Variants in PAFAH2 observed in about 807,000 individuals in gnomAD.
PAFAH2 encodes the protein platelet activating factor acetylhydrolase 2, also known as platelet-activating factor acetylhydrolase 2, cytoplasmic.
In PAFAH2, 42 loss-of-function variants were observed where a neutral mutation model predicts 49.0. The observed-to-expected ratio is 0.86, with a 90% confidence interval of 0.67 to 1.11. The LOEUF is 1.11. Among genes scored for constraint, PAFAH2 ranks in the 50% least tolerant of loss-of-function variants. The pLI, the probability that PAFAH2 is intolerant of heterozygous loss-of-function variation, is 0.00. For synonymous variants in PAFAH2, 184 were observed against 181.3 expected (o/e 1.01, Z -0.12); for missense variants, 503 against 501.8 (o/e 1.00, Z -0.02).
intron 10 of PAFAH2, among the ~76,000 whole-genome samples, chr1:25,971,442 AG>A (rs146859710): frequency 0.027 from 4,186 of 152,280 alleles, 185 homozygotes; most frequent in African/African-American, 0.09. Flanking sequence ...ACACACTCTG[AG>A]TGGTTCAAGC....
intron 9 of PAFAH2, among the ~76,000 whole-genome samples, chr1:25,972,946 T>C (rs531175390): frequency 1.3e-5 from 2 of 152,316 alleles, no homozygotes; most frequent in African/African-American, 2.4e-5. Flanking sequence ...CCAGATGTGC[T>C]TGGCTTCAAA....
intron 7 of PAFAH2, among the ~76,000 whole-genome samples, chr1:25,979,709 C>T (rs879699578): frequency 6.6e-6 from 1 of 152,128 alleles, no homozygotes; most frequent in Non-Finnish European, 1.5e-5. Context: ...AGGCTGGTCT[C>T]GAACTCCTGA....
intron 1 of PAFAH2, among the ~76,000 whole-genome samples, chr1:25,996,406 G>A (rs1185612456): frequency 1.3e-5 from 2 of 151,952 alleles, no homozygotes; most frequent in African/African-American, 2.4e-5. Context: ...GTGGGAGGCC[G>A]AGGCGGGCGG....
chr1:25,982,663 T>C (rs1167848821), intron 6 of PAFAH2, among the ~76,000 whole-genome samples, 186 bp from the exon 7 acceptor site: 1 of 152,156 alleles, frequency 6.6e-6, no homozygotes, highest in Non-Finnish European at 1.5e-5. Flanking sequence ...CTGCCTAACA[T>C]TAGAACAGAC....
chr1:25,994,753 G>A (rs1212613057), intron 1 of PAFAH2, among the ~76,000 whole-genome samples: 1 of 152,118 alleles, frequency 6.6e-6, no homozygotes, highest in Non-Finnish European at 1.5e-5. Context: ...ACTCTGCATA[G>A]AGAACAGCAC....
intron 9 of PAFAH2, among the ~76,000 whole-genome samples, chr1:25,974,267 T>G (rs1557517531): frequency 6.6e-6 from 1 of 152,084 alleles, no homozygotes. Flanking sequence ...TGTCATAAAG[T>G]CAGATAAACT....
At chr1:25,970,002 T>A (rs1031360140) in intron 10 of PAFAH2, among the ~76,000 whole-genome samples, 5 of 152,174 alleles carry the variant, frequency 3.3e-5, no homozygotes, top group Non-Finnish European at 7.3e-5. Flanking sequence ...GCTCACGATG[T>A]GTAAGATGAA....
intron 7 of PAFAH2, among the ~76,000 whole-genome samples, chr1:25,978,685 C>A (rs2049633508): frequency 6.6e-6 from 1 of 152,152 alleles, no homozygotes; most frequent in Non-Finnish European, 1.5e-5. Context: ...TGGCTTAATG[C>A]AAACAACAAA....
At chr1:25,968,953 G>A (rs2049468024) in intron 10 of PAFAH2, among the ~76,000 whole-genome samples, 1 of 152,086 alleles carries the variant, frequency 6.6e-6, no homozygotes, top group South Asian at 2.1e-4. Flanking sequence ...CTACCTAAGA[G>A]CTCCCTGCCT....
At chr1:25,966,873 T>C (rs1320882375) in intron 10 of PAFAH2, among the ~76,000 whole-genome samples, 1 of 151,540 alleles carries the variant, frequency 6.6e-6, no homozygotes, top group Non-Finnish European at 1.5e-5. Context: ...CTACTAAAAA[T>C]ACAAAAAAAT....
chr1:25,990,856 C>A lies in PAFAH2; in HGVS notation c.-40G>T. The A allele has an allele frequency of 6.5e-7, 1 of 1,549,940 alleles. No homozygotes were observed. The highest frequency in any genetic ancestry group is 1.1e-5 in the South Asian group (1 of 89,480). On this transcript the variant is annotated 5_prime_UTR_variant, in exon 2 of 11. Coordinates refer to ENST00000374282, the MANE Select transcript of PAFAH2 (RefSeq NM_000437.4). ...AATCAAATGACTTGCCGGAGCTGAA[C>A]TTGCTGGCTGGATGGGGGAACACAG... is the stretch of plus-strand genomic sequence containing the variant.
chr1:25,971,569 G>A (rs945931939), intron 10 of PAFAH2, among the ~76,000 whole-genome samples: 4 of 152,120 alleles, frequency 2.6e-5, no homozygotes, highest in African/African-American at 9.7e-5. Flanking sequence ...TGTCGTGAGA[G>A]GAAGACACAG....
chr1:25,963,351 C>T (rs1336805704), intron 10 of PAFAH2, among the ~76,000 whole-genome samples: 2 of 152,066 alleles, frequency 1.3e-5, no homozygotes, highest in Non-Finnish European at 2.9e-5. Context: ...CAGAGCTCAT[C>T]ATCTAGTGGC....
intron 10 of PAFAH2, among the ~76,000 whole-genome samples, chr1:25,971,999 C>A (rs1572344946): frequency 1.3e-5 from 2 of 152,100 alleles, no homozygotes; most frequent in East Asian, 3.9e-4. Flanking sequence ...GGGAGGAAAC[C>A]AAGGTTCAGA....
intron 10 of PAFAH2, among the ~76,000 whole-genome samples, chr1:25,967,863 T>C (rs1037835015): frequency 1.3e-5 from 2 of 151,992 alleles, no homozygotes; most frequent in African/African-American, 4.8e-5. Context: ...AGGGAAAAAT[T>C]GATGATCTAA....
chr1:25,989,434 A>C lies in PAFAH2; in HGVS notation c.244+14T>G. On this transcript the variant is annotated intron_variant, in intron 3 of 10. Transcript: ENST00000374282. Reference sequence around the variant, plus strand: ...GCAACTGGGAAAGCATGCAGAGGTCAGGCCAGCCCTTACCCACCGCCAGGT... The same window carrying C: ...GCAACTGGGAAAGCATGCAGAGGTCCGGCCAGCCCTTACCCACCGCCAGGT... The C allele has an allele frequency of 6.4e-7, 1 of 1,571,930 alleles. No homozygotes were observed. Among genetic ancestry groups the C allele is most frequent in the East Asian group, 2.3e-5 (1 of 43,704 alleles).
chr1:25,991,001 C>G, intron 1 of PAFAH2, 138 bp from the exon 2 acceptor site: 1 of 558,014 alleles, frequency 1.8e-6, no homozygotes, highest in Non-Finnish European at 3.2e-6. Flanking sequence ...AATCTTGCAC[C>G]TACTACTTTG....
rs200506023 is a variant in PAFAH2, at chr1:25,988,333, A to G, written c.245-6T>C. On this transcript the variant is annotated splice_polypyrimidine_tract_variant and splice_region_variant and intron_variant, in intron 3 of 10. Transcript: ENST00000374282. The stretch of plus-strand genomic sequence containing the variant: ...AACAGGCAGGCGACAAGATCCTAGC[A>G]GAGACATGGGCTATAGAATATCTGG... The G allele has an allele frequency of 3.1e-4, 502 of 1,606,886 alleles. No homozygotes were observed. The highest frequency in any genetic ancestry group is 3.5e-4 in the Non-Finnish European group (409 of 1,174,690).
chr1:25,973,069 T>G (rs1033039019), intron 9 of PAFAH2, among the ~76,000 whole-genome samples: 1 of 152,186 alleles, frequency 6.6e-6, no homozygotes, highest in Non-Finnish European at 1.5e-5. Flanking sequence ...ATTTCTATGT[T>G]ACTACAATCT....
Sources: allele counts gnomAD v4.1 joint callset (sites outside exome capture counted in the v4.1 genomes callset), GRCh38; gene constraint gnomAD v4.1.1; transcripts MANE v1.5; gene names NCBI Gene and HGNC (gene_info 2026-07-23, HGNC 2026-07-21).